The following AUTS2 variants were observed in gnomAD, a reference collection of about 807,000 sequenced individuals.
AUTS2 encodes autism susceptibility gene 2 protein.
AUTS2 carries 17 observed loss-of-function variants against 112.4 expected under a neutral mutation model. That is an observed-to-expected ratio of 0.15 (90% confidence interval 0.10 to 0.23). The LOEUF (loss-of-function observed/expected upper bound fraction) is 0.23, where lower values mean the gene tolerates loss of function less well. AUTS2 is among the 10% of genes least tolerant of loss of function. The pLI, the probability that AUTS2 is intolerant of heterozygous loss-of-function variation, is 1.00. For missense variants in AUTS2, 1,510 were observed against 1,701.6 expected, an observed-to-expected ratio of 0.89 and a Z score of 1.98; for synonymous variants, 751 against 702.7, an observed-to-expected ratio of 1.07 and a Z score of -1.09.
intron 1 of AUTS2, among the ~76,000 whole-genome samples, chr7:69,738,959 G>A (rs1409093023): frequency 1.3e-5 from 2 of 152,110 alleles, no homozygotes; most frequent in Admixed American, 6.5e-5. Context: ...TAGTGTGAAT[G>A]CAAGATGTTC....
chr7:70,547,475 G>C (rs1006310731), intron 5 of AUTS2, among the ~76,000 whole-genome samples: 1 of 152,058 alleles, frequency 6.6e-6, no homozygotes, highest in Admixed American at 6.6e-5. Flanking sequence ...GGATGGTCTC[G>C]ATCTCTCCAC....
intron 6 of AUTS2, among the ~76,000 whole-genome samples, chr7:70,749,423 G>A (rs1229469649): frequency 2.0e-5 from 3 of 152,182 alleles, no homozygotes; most frequent in Non-Finnish European, 4.4e-5. Flanking sequence ...TTGCTGGGCC[G>A]TGGACCACAC....
At chr7:70,651,392 A>C (rs1806498960) in intron 5 of AUTS2, among the ~76,000 whole-genome samples, 2 of 152,336 alleles carry the variant, frequency 1.3e-5, no homozygotes, top group Admixed American at 6.5e-5. Flanking sequence ...GTGTTCCTTA[A>C]CTTACATTGG....
At chr7:70,069,712 T>TTG (rs1554440695) in intron 2 of AUTS2, among the ~76,000 whole-genome samples, 2 of 151,030 alleles carry the variant, frequency 1.3e-5, no homozygotes, top group Middle Eastern at 3.2e-3. Context: ...TTTTTTGTTT[T>TTG]TTTTTTTTTC....
chr7:70,217,504 G>A (rs150853640), intron 4 of AUTS2, among the ~76,000 whole-genome samples: 1 of 152,280 alleles, frequency 6.6e-6, no homozygotes, highest in African/African-American at 2.4e-5. Context: ...CATTCTAGTT[G>A]TGCTTTTTTA....
intron 4 of AUTS2, among the ~76,000 whole-genome samples, chr7:70,207,461 A>G (rs1035386622): frequency 2.0e-5 from 3 of 152,226 alleles, no homozygotes; most frequent in African/African-American, 7.2e-5. Flanking sequence ...GAAATTTATA[A>G]TGTACTATAA....
chr7:70,371,093 C>T (rs1383473157), intron 4 of AUTS2, among the ~76,000 whole-genome samples: 7 of 152,112 alleles, frequency 4.6e-5, no homozygotes, highest in African/African-American at 1.7e-4. Flanking sequence ...GTGGTGTTGC[C>T]ATGTTCCATG....
intron 1 of AUTS2, among the ~76,000 whole-genome samples, chr7:69,635,116 G>C (rs1310174073): frequency 6.6e-6 from 1 of 151,994 alleles, no homozygotes; most frequent in Non-Finnish European, 1.5e-5. Flanking sequence ...GCTCCTCTAG[G>C]TCTCTTCTCA....
intron 1 of AUTS2, among the ~76,000 whole-genome samples, chr7:69,739,116 A>G (rs1787158338): frequency 6.6e-6 from 1 of 152,070 alleles, no homozygotes; most frequent in Non-Finnish European, 1.5e-5. Context: ...ATATAAAACC[A>G]ATCTTCAGGG....
chr7:69,928,638 C>T (rs1327338782), intron 2 of AUTS2, among the ~76,000 whole-genome samples: 2 of 152,176 alleles, frequency 1.3e-5, no homozygotes, highest in South Asian at 2.1e-4. Context: ...CAACTTTGCT[C>T]CATGCTGCAT....
chr7:70,190,461 C>A (rs990418444), intron 4 of AUTS2, among the ~76,000 whole-genome samples: 2 of 152,196 alleles, frequency 1.3e-5, no homozygotes, highest in African/African-American at 4.8e-5. Context: ...ACTCAGCTAT[C>A]ATTTCACAAA....
In AUTS2 at chr7:70,390,317, C is replaced by T. The variant is rs543661631; in HGVS notation, c.661-45435C>T. On this transcript the variant is annotated intron_variant, in intron 4 of 18. Coordinates refer to ENST00000342771, the MANE Select transcript of AUTS2 (RefSeq NM_015570.4). ...GATTCAGTAGATGTGGGTTGAGGCC[C>T]GGGAATGTGTCTTTTTAGAAAGGTG... Among the ~76,000 whole-genome samples the T allele has an allele frequency of 4.6e-5, 7 of 152,266 alleles. No individual in the cohort carries two copies. In the South Asian group the frequency reaches 1.0e-3, roughly 23 times the overall value.
chr7:70,755,442 G>A lies in AUTS2; in HGVS notation c.743-7428G>A, dbSNP rs867971197. Among the ~76,000 whole-genome samples the A allele has an allele frequency of 3.3e-5, 5 of 152,142 alleles. No individual in the cohort carries two copies. In the South Asian group the frequency reaches 8.3e-4, roughly 25 times the overall value. Reference sequence around the variant, plus strand: ...CACTTTGGGAGGCCGAGGCGGGGGTGGATCACTTGAGGTCAGGAGTTCGAG... The same window carrying A: ...CACTTTGGGAGGCCGAGGCGGGGGTAGATCACTTGAGGTCAGGAGTTCGAG... On this transcript the variant is annotated intron_variant, in intron 6 of 18. Transcript: ENST00000342771.
At chr7:70,687,680 G>T (rs999023663) in intron 5 of AUTS2, among the ~76,000 whole-genome samples, 1 of 152,168 alleles carries the variant, frequency 6.6e-6, no homozygotes, top group African/African-American at 2.4e-5. Context: ...TATAATGGCA[G>T]AGGTTTTTAC....
intron 5 of AUTS2, among the ~76,000 whole-genome samples, chr7:70,539,450 A>G (rs761240177): frequency 1.3e-5 from 2 of 152,170 alleles, no homozygotes; most frequent in Non-Finnish European, 2.9e-5. Context: ...TGGTTCTTAC[A>G]CAGACTGTGC....
intron 6 of AUTS2, among the ~76,000 whole-genome samples, chr7:70,733,147 A>T (rs910331448): frequency 6.6e-6 from 1 of 152,254 alleles, no homozygotes; most frequent in African/African-American, 2.4e-5. Flanking sequence ...CGAAGTATAT[A>T]AAAAAGTTAG....
chr7:70,446,454 C>A (rs979935876), intron 5 of AUTS2, among the ~76,000 whole-genome samples: 3 of 152,034 alleles, frequency 2.0e-5, no homozygotes, highest in Non-Finnish European at 4.4e-5. Context: ...TTTTTTTGTA[C>A]CCATTTTGTG....
intron 1 of AUTS2, among the ~76,000 whole-genome samples, chr7:69,663,654 G>A (rs1050800056): frequency 6.6e-6 from 1 of 152,178 alleles, no homozygotes; most frequent in Non-Finnish European, 1.5e-5. Flanking sequence ...AAAGCCTTGA[G>A]TATTCAGGTT....
chr7:70,605,126 A>G (rs1014271089), intron 5 of AUTS2, among the ~76,000 whole-genome samples: 3 of 149,500 alleles, frequency 2.0e-5, no homozygotes, highest in Non-Finnish European at 4.5e-5. Flanking sequence ...TCAACACGTG[A>G]AGAATTCAGT....
Sources: allele counts gnomAD v4.1 joint callset (sites outside exome capture counted in the v4.1 genomes callset), GRCh38; gene constraint gnomAD v4.1.1; transcripts MANE v1.5; gene names NCBI Gene and HGNC (gene_info 2026-07-23, HGNC 2026-07-21).